The following OSBPL7 variants were observed in gnomAD, a reference collection of about 807,000 sequenced individuals.
The protein encoded by OSBPL7 is oxysterol-binding protein-related protein 7.
In OSBPL7, 66 loss-of-function variants were observed where a neutral mutation model predicts 115.8. The ratio of observed to expected loss-of-function variants is 0.57; its 90% CI spans 0.47 to 0.70. OSBPL7 has a LOEUF of 0.70. Ranked by LOEUF, OSBPL7 falls within the 30% of genes least tolerant of loss-of-function variation. OSBPL7 has a pLI of 0.00. For synonymous variants in OSBPL7, 441 were observed against 439.2 expected, an observed-to-expected ratio of 1.00 and a Z score of -0.05; for missense variants, 902 against 1,125.5, an observed-to-expected ratio of 0.80 and a Z score of 2.84.
intron 13 of OSBPL7, chr17:47,814,841 A>G: frequency 1.7e-6 from 1 of 583,390 alleles, no homozygotes; most frequent in East Asian, 2.9e-5. Context: ...CTGGCGGGAA[A>G]AAGCTCAGGG....
At chr17:47,820,676 C>G (rs1267422483) in intron 1 of OSBPL7, 1 of 183,360 alleles carries the variant, frequency 5.5e-6, no homozygotes. Context: ...AGAGGCTTCC[C>G]TGGGAGTGCT....
chr17:47,809,200 A>G lies in OSBPL7; in HGVS notation c.2046T>C (p.Asn682=). 3.7e-6 allele frequency: 6 copies of G among 1,614,116 alleles called. 1 individual carries two copies. The highest frequency in any genetic ancestry group is 3.3e-5 in the South Asian group (3 of 91,084). Residue 682 remains asparagine, a synonymous_variant, in exon 20 of 23, where the codon AAT becomes AAC. Coordinates refer to ENST00000007414, the MANE Select transcript of OSBPL7 (RefSeq NM_145798.3). Reference sequence around the variant, plus strand: ...GCACAGCGCCCTGCACCTCGTGGACATTGGAACTCCAGTACTTGGCCTGGG... The same window carrying G: ...GCACAGCGCCCTGCACCTCGTGGACGTTGGAACTCCAGTACTTGGCCTGGG... ...TFCKAKYWSS[N]VHEVQGAVLS...
At chr17:47,815,387 G>A (rs570016236) in intron 12 of OSBPL7, 35 bp from the exon 13 acceptor site, 5 of 1,611,026 alleles carry the variant, frequency 3.1e-6, no homozygotes, top group Non-Finnish European at 4.2e-6. Flanking sequence ...CAGGCTCCGG[G>A]GCCAAGCCGG....
At chr17:47,813,439 C>A (rs764357850) in intron 15 of OSBPL7, 36 bp from the exon 16 acceptor site, 1 of 1,611,564 alleles carries the variant, frequency 6.2e-7, no homozygotes, top group Non-Finnish European at 8.5e-7. Context: ...GTACTGAGGA[C>A]GGGGCCGCCA....
Position 47,808,112 on chromosome 17 carries a change from G to A in OSBPL7, c.*179C>T. 1.7e-6 allele frequency: 1 copy of A among 594,442 alleles called. No individual in the cohort carries two copies. Among genetic ancestry groups the A allele is most frequent in the African/African-American group, 1.9e-5 (1 of 53,886 alleles). The allele number at this position is 594,442 out of a possible 1,614,324, so 36.8% of individuals were successfully genotyped here. ...GATTCTGCTTCTCACCCCAAACGGTGGGGTTGGGGGTGGGCTGAGATGCAG... is the reference window on the plus strand; with the variant it reads ...GATTCTGCTTCTCACCCCAAACGGTAGGGTTGGGGGTGGGCTGAGATGCAG... On this transcript the variant is annotated 3_prime_UTR_variant, in exon 23 of 23. Transcript: ENST00000007414. The surrounding 1 kb of genome is among the most constrained non-coding windows in gnomAD (Gnocchi z 6.1).
chr17:47,814,490 A>G, intron 14 of OSBPL7, 31 bp downstream of exon 14: 3 of 334,274 alleles, frequency 9.0e-6, no homozygotes, highest in Non-Finnish European at 1.7e-5. Flanking sequence ...CCCGCCTCCC[A>G]CCCCTCCCTG....
At position 47,808,976 on chromosome 17, in the gene OSBPL7, CG is replaced by C. The variant is rs1567937897; in HGVS notation, c.2184del (p.Asp729ThrfsTer15). 1 of 1,613,960 alleles carries C rather than the reference CG, an allele frequency of 6.2e-7. No homozygotes were observed. Among genetic ancestry groups the C allele is most frequent in the South Asian group, 1.1e-5 (1 of 91,068 alleles). ...GTGAAGCCGAAGTTTCGCTCATGGT[CG>C]GGGGGCATTGAGTCTGGGGGAAGGC... ...QCIWKPNSMP[P>X]DHERNFGFTQ... On this transcript the variant is annotated frameshift_variant, in exon 21 of 23. Coordinates refer to ENST00000007414, the MANE Select transcript of OSBPL7 (RefSeq NM_145798.3). LOFTEE classifies it high-confidence loss of function. The surrounding 1 kb of genome is among the most constrained non-coding windows in gnomAD (Gnocchi z 6.1).
Position 47,818,995 on chromosome 17 carries a change from G to A in OSBPL7, c.360C>T (p.Tyr120=). 6.2e-7 allele frequency: 1 copy of A among 1,613,876 alleles called. No individual in the cohort carries two copies. The highest frequency in any genetic ancestry group is 8.5e-7 in the Non-Finnish European group (1 of 1,179,760). The change falls in exon 5 of 23, where the codon TAC becomes TAT. Residue 120 remains tyrosine, a synonymous_variant. Transcript: ENST00000007414. ...RIDLDTEDNI[Y]HLKIKSQDLF... Reference sequence around the variant, plus strand: ...CTCCCAGGGATGTCACCTTGAGGTGGTAGATGTTGTCTTCAGTGTCAAGGT... The same window carrying A: ...CTCCCAGGGATGTCACCTTGAGGTGATAGATGTTGTCTTCAGTGTCAAGGT...
At position 47,808,458 on chromosome 17, in the gene OSBPL7, T is replaced by C. The variant is rs201592682; in HGVS notation, c.2421-59A>G. 2.0e-5 allele frequency: 33 copies of C among 1,613,604 alleles called. No individual in the cohort carries two copies. The highest frequency in any genetic ancestry group is 3.3e-4 in the Middle Eastern group (2 of 6,084). The stretch of plus-strand genomic sequence containing the variant: ...ACATCTAGAAGGCAGGCTAGGGTCC[T>C]AAGGTGCTGCCTCCCACACCTGCCC... On this transcript the variant is annotated intron_variant, in intron 22 of 22. Transcript: ENST00000007414. The surrounding 1 kb of genome is among the most constrained non-coding windows in gnomAD (Gnocchi z 6.1).
At chr17:47,809,538 G>T (rs950534213) in intron 18 of OSBPL7, 60 bp from the exon 19 acceptor site, 2 of 1,572,892 alleles carry the variant, frequency 1.3e-6, no homozygotes, top group African/African-American at 1.3e-5. Flanking sequence ...GTGAGTCAGG[G>T]GCCTCCTGTC....
Position 47,816,032 on chromosome 17 carries a change from T to G in OSBPL7, c.1119+75A>C. The G allele has an allele frequency of 7.4e-7, 1 of 1,352,304 alleles. No homozygotes were observed. The highest frequency in any genetic ancestry group is 1.0e-6 in the Non-Finnish European group (1 of 1,003,850). 83.8% of individuals were successfully genotyped at this position (1,352,304 alleles called of 1,614,324 possible). On this transcript the variant is annotated intron_variant, in intron 12 of 22. Transcript: ENST00000007414. This position sits in a 1 kb window ranked among gnomAD's most constrained non-coding sequence, Gnocchi z 5.8. ...GGGACTAAAAACCAACTTTGCCCAC[T>G]GCCCTGGGCCTTGGCTTTCGCTGGG...
intron 8 of OSBPL7, 143 bp from the exon 9 acceptor site, chr17:47,817,015 C>A: frequency 2.4e-6 from 2 of 830,580 alleles, no homozygotes; most frequent in South Asian, 1.5e-5. Context: ...GCCGCTCAGG[C>A]AGGGCGACAG....
intron 7 of OSBPL7, among the ~76,000 whole-genome samples, chr17:47,818,060 C>T (rs1425323985): frequency 3.3e-5 from 5 of 152,314 alleles, no homozygotes; most frequent in South Asian, 2.1e-4. Context: ...CCTGCATCCA[C>T]GTCTGTCTAT....
chr17:47,809,906 CTTTTCTTTTTT>C (rs1416284480), intron 18 of OSBPL7, among the ~76,000 whole-genome samples: 1 of 127,316 alleles, frequency 7.9e-6, no homozygotes, highest in Non-Finnish European at 1.7e-5. Flanking sequence ...CTTTTCTTTT[CTTTTCTTTTTT>C]TTTTTTTTTT....
rs2033239598 is a variant in OSBPL7, at chr17:47,816,938, C to T, written c.703-66G>A. The T allele has an allele frequency of 6.7e-7, 1 of 1,497,528 alleles. No homozygotes were observed. The highest frequency in any genetic ancestry group is 9.3e-7 in the Non-Finnish European group (1 of 1,075,000). 92.8% of individuals were successfully genotyped at this position (1,497,528 alleles called of 1,614,324 possible). A position where few individuals can be genotyped will look rare whatever the true frequency, so the allele number is the denominator to read the frequency against. On this transcript the variant is annotated intron_variant, in intron 8 of 22. Coordinates refer to ENST00000007414, the MANE Select transcript of OSBPL7 (RefSeq NM_145798.3). This position sits in a 1 kb window ranked among gnomAD's most constrained non-coding sequence, Gnocchi z 5.8. ...GGAAAAGGGGCAGAAACCATCACAG[C>T]CTGGGAGAGGTAGACGGCCTCCTGC...
chr17:47,818,828 G>C (rs1369218728), intron 5 of OSBPL7, among the ~76,000 whole-genome samples, 158 bp downstream of exon 5: 3 of 152,228 alleles, frequency 2.0e-5, no homozygotes, highest in Non-Finnish European at 4.4e-5. Flanking sequence ...AAGAAGTGCA[G>C]GTTTGCCCTT....
chr17:47,811,184 T>C (rs2033029823), intron 16 of OSBPL7, among the ~76,000 whole-genome samples: 1 of 151,512 alleles, frequency 6.6e-6, no homozygotes, highest in African/African-American at 2.4e-5. Context: ...GATGACCCTC[T>C]TCCCCACCAT....
rs760477982 is a variant in OSBPL7, at chr17:47,808,278, C to A, written c.*13G>T. 6.3e-7 allele frequency: 1 copy of A among 1,594,854 alleles called. No individual in the cohort carries two copies. Among genetic ancestry groups the A allele is most frequent in the African/African-American group, 1.3e-5 (1 of 74,470 alleles). On this transcript the variant is annotated 3_prime_UTR_variant, in exon 23 of 23. Transcript: ENST00000007414. This position sits in a 1 kb window ranked among gnomAD's most constrained non-coding sequence, Gnocchi z 6.1. The stretch of plus-strand genomic sequence containing the variant: ...GAGTGAGGAACCAGAGCCTCCTGCC[C>A]CCGGGGCCAGGGCTACCAGAGCACG...
In OSBPL7 at chr17:47,810,502, C is replaced by T. The variant is rs1275476942; in HGVS notation, c.1880+92G>A. On this transcript the variant is annotated intron_variant, in intron 18 of 22. Transcript: ENST00000007414. ...GCAGCTTCAGGCCAGACCTTCCTATCCCGTCCTTATCCTGTCCCTAAGGCC... is the reference window on the plus strand; with the variant it reads ...GCAGCTTCAGGCCAGACCTTCCTATTCCGTCCTTATCCTGTCCCTAAGGCC... 9 of 1,141,218 alleles carry T rather than the reference C, an allele frequency of 7.9e-6. No individual in the cohort carries two copies. The South Asian group carries it at 9.1e-5, about 12-fold the overall frequency. The allele number at this position is 1,141,218 out of a possible 1,614,324, so 70.7% of individuals were successfully genotyped here. A position where few individuals can be genotyped will look rare whatever the true frequency, so the allele number is the denominator to read the frequency against.
Sources: allele counts gnomAD v4.1 joint callset (sites outside exome capture counted in the v4.1 genomes callset), GRCh38; gene constraint gnomAD v4.1.1; non-coding constraint Gnocchi (gnomAD v3.1); transcripts MANE v1.5; gene names NCBI Gene and HGNC (gene_info 2026-07-23, HGNC 2026-07-21).